The following ARPC2 variants were observed in gnomAD, a reference collection of about 807,000 sequenced individuals.
The protein encoded by ARPC2 is actin related protein 2/3 complex subunit 2.
Under a neutral mutation model 38.6 loss-of-function variants are expected in ARPC2, and 4 were observed. That is an observed-to-expected ratio of 0.10 (90% CI 0.05 to 0.24). The LOEUF (loss-of-function observed/expected upper bound fraction) is 0.24. ARPC2 is among the 10% of genes least tolerant of loss of function. The probability of loss-of-function intolerance (pLI) is 1.00; values close to 1 mark genes in which losing one functional copy is unlikely to be tolerated. For missense variants in ARPC2, 229 were observed against 387.3 expected (o/e 0.59, Z 3.43); for synonymous variants, 125 against 140.8 (o/e 0.89, Z 0.79).
chr2:218,222,270 A>C (rs1322343498), intron 2 of ARPC2, among the ~76,000 whole-genome samples: 1 of 152,058 alleles, frequency 6.6e-6, no homozygotes, highest in African/African-American at 2.4e-5. Flanking sequence ...CCATCTCAAG[A>C]AAAAAGAAAA....
intron 4 of ARPC2, among the ~76,000 whole-genome samples, chr2:218,231,313 C>G (rs1464140943): frequency 6.6e-6 from 1 of 152,058 alleles, no homozygotes; most frequent in Non-Finnish European, 1.5e-5. Flanking sequence ...CTGGTTTTAC[C>G]AAGGGGAGGG....
At chr2:218,251,201 G>T (rs932975739) in intron 10 of ARPC2, among the ~76,000 whole-genome samples, 2 of 136,222 alleles carry the variant, frequency 1.5e-5, no homozygotes, top group Non-Finnish European at 3.0e-5. Context: ...GTTTTGTTTT[G>T]TTGTTTTGTT....
intron 7 of ARPC2, among the ~76,000 whole-genome samples, chr2:218,243,162 C>T (rs574025307): frequency 6.6e-6 from 1 of 151,962 alleles, no homozygotes; most frequent in Non-Finnish European, 1.5e-5. Context: ...TCTTTTTTTC[C>T]TAAATGGCTA....
Position 218,254,045 on chromosome 2 carries a change from A to G in ARPC2, c.*130A>G. 8.2e-7 allele frequency: 1 copy of G among 1,220,132 alleles called. No homozygotes were observed. The allele number at this position is 1,220,132 out of a possible 1,614,324, so 75.6% of individuals were successfully genotyped here. On this transcript the variant is annotated 3_prime_UTR_variant, in exon 11 of 11. Coordinates refer to ENST00000315717, the MANE Select transcript of ARPC2 (RefSeq NM_152862.3). ...TCTCCGTTTTGGTTCCATTTTGTAC[A>G]CGTTTGGAAAATAATCTGCAGAAAC... is the stretch of plus-strand genomic sequence containing the variant.
chr2:218,218,360 TA>T (rs1442861565), intron 2 of ARPC2, among the ~76,000 whole-genome samples: 1 of 152,248 alleles, frequency 6.6e-6, no homozygotes, highest in Non-Finnish European at 1.5e-5. Context: ...AGTTCTTAGA[TA>T]ACCTGTCTTT....
At chr2:218,241,153 A>C (rs1689905432) in intron 7 of ARPC2, among the ~76,000 whole-genome samples, 1 of 152,252 alleles carries the variant, frequency 6.6e-6, no homozygotes, top group Non-Finnish European at 1.5e-5. Context: ...AAAGATTTTT[A>C]AATTCTGAAG....
intron 2 of ARPC2, among the ~76,000 whole-genome samples, chr2:218,222,386 GATT>G (rs1689402958): frequency 6.6e-6 from 1 of 152,188 alleles, no homozygotes; most frequent in Admixed American, 6.5e-5. Flanking sequence ...TTTCTGGATT[GATT>G]ATTGACATTC....
chr2:218,238,527 A>C (rs1045010445), intron 5 of ARPC2, 137 bp from the exon 6 acceptor site: 2 of 586,156 alleles, frequency 3.4e-6, no homozygotes, highest in African/African-American at 1.9e-5. Flanking sequence ...TGTCAATAGA[A>C]CCTGAAAAAA....
At chr2:218,218,423 C>T (rs73084197) in intron 2 of ARPC2, among the ~76,000 whole-genome samples, 4,210 of 152,330 alleles carry the variant, frequency 0.028, 177 homozygotes, top group African/African-American at 0.092. Context: ...AAGGCAGCCT[C>T]TCTGCCAAAC....
chr2:218,227,158 C>T, intron 3 of ARPC2: 1 of 380,220 alleles, frequency 2.6e-6, no homozygotes, highest in Admixed American at 3.0e-5. Flanking sequence ...CTTCGTGATT[C>T]CCATGACAGC....
intron 4 of ARPC2, among the ~76,000 whole-genome samples, chr2:218,229,498 C>G (rs1179882440): frequency 6.6e-6 from 1 of 152,188 alleles, no homozygotes; most frequent in African/African-American, 2.4e-5. Flanking sequence ...GGTTGGGTCT[C>G]AAAGCAGGAA....
At chr2:218,232,869 C>T (rs933437915) in intron 4 of ARPC2, 7 of 150,290 alleles carry the variant, frequency 4.7e-5, no homozygotes, top group Admixed American at 4.7e-4. Flanking sequence ...AGCCACCATA[C>T]CTAGCCCAGA....
chr2:218,227,138 C>A, intron 3 of ARPC2: 1 of 402,164 alleles, frequency 2.5e-6, no homozygotes, highest in South Asian at 1.7e-5. Context: ...ACTGGCATTG[C>A]CAGATATCCC....
At chr2:218,253,005 C>T in intron 10 of ARPC2, 1 of 456,894 alleles carries the variant, frequency 2.2e-6, no homozygotes, top group Non-Finnish European at 4.4e-6. Flanking sequence ...GCTGCATCCA[C>T]CCTGAAAACC....
intron 7 of ARPC2, among the ~76,000 whole-genome samples, chr2:218,244,557 G>C (rs931803616): frequency 1.3e-5 from 2 of 152,258 alleles, no homozygotes; most frequent in Non-Finnish European, 2.9e-5. Flanking sequence ...AGGGGAGCCA[G>C]ATACATTAAT....
At chr2:218,251,577 C>A (rs1254682222) in intron 10 of ARPC2, among the ~76,000 whole-genome samples, 1 of 152,112 alleles carries the variant, frequency 6.6e-6, no homozygotes, top group African/African-American at 2.4e-5. Flanking sequence ...TCTCAGCCCC[C>A]CAAGTAGCTG....
intron 2 of ARPC2, among the ~76,000 whole-genome samples, chr2:218,219,229 T>C (rs545164094): frequency 1.1e-4 from 17 of 152,242 alleles, no homozygotes; most frequent in Non-Finnish European, 2.2e-4. Context: ...TTCCAAAATG[T>C]GGCCCATTAT....
intron 2 of ARPC2, among the ~76,000 whole-genome samples, chr2:218,217,898 C>T (rs570904696): frequency 9.2e-5 from 14 of 152,216 alleles, no homozygotes; most frequent in Admixed American, 1.3e-4. Context: ...TGAAATTCCC[C>T]GGCATTGTTC....
chr2:218,231,025 G>T (rs767698783), intron 4 of ARPC2, among the ~76,000 whole-genome samples: 4 of 152,164 alleles, frequency 2.6e-5, no homozygotes, highest in African/African-American at 7.2e-5. Context: ...CACTCAAGTG[G>T]GTGGAGTAAG....
Sources: gnomAD v4.1 joint callset for allele counts (sites outside exome capture counted in the v4.1 genomes callset) on GRCh38, gnomAD v4.1.1 for gene constraint, MANE v1.5 for transcripts, NCBI Gene and HGNC (gene_info 2026-07-23, HGNC 2026-07-21) for gene names.